GAL: variants seen among roughly 807,000 people sequenced by gnomAD.
GAL encodes the protein galanin peptides.
A neutral mutation model predicts 15.8 loss-of-function variants in GAL; 14 were observed. The observed-to-expected ratio is 0.89, with a 90% confidence interval of 0.59 to 1.39. The LOEUF is 1.39. Among genes scored for constraint, GAL ranks in the 40% most tolerant of loss-of-function variants. GAL has a pLI of 0.00. For missense variants in GAL, 176 were observed against 170.4 expected (o/e 1.03, Z -0.18); for synonymous variants, 79 against 73.8 (o/e 1.07, Z -0.36).
At position 68,685,564 on chromosome 11, in the gene GAL, T is replaced by C. The variant is rs1203360788; in HGVS notation, c.82-30T>C. The C allele has an allele frequency of 4.5e-6, 7 of 1,560,946 alleles. No homozygotes were observed. In the South Asian group the frequency reaches 5.6e-5, roughly 12 times the overall value. ...TCAGCATAGGCTCCAGGCACAGCCC[T>C]GGCATCTGATCCCCTTTTCTCCCTT... is the stretch of plus-strand genomic sequence containing the variant. On this transcript the variant is annotated intron_variant, in intron 2 of 5. Transcript: ENST00000265643.
chr11:68,685,019 C>G lies in GAL; in HGVS notation c.81+15C>G. 6.4e-7 allele frequency: 1 copy of G among 1,554,678 alleles called. No individual in the cohort carries two copies. Among genetic ancestry groups the G allele is most frequent in the Non-Finnish European group, 8.8e-7 (1 of 1,139,370 alleles). ...TCTGGTCGCCGGTAAGTGCGGGGCG[C>G]GTCTCCTCCGAGCGAAGGGGACATC... is the stretch of plus-strand genomic sequence containing the variant. On this transcript the variant is annotated intron_variant, in intron 2 of 5. Transcript: ENST00000265643.
intron 5 of GAL, among the ~76,000 whole-genome samples, chr11:68,689,506 C>G (rs138877012): frequency 1.3e-5 from 2 of 152,044 alleles, no homozygotes; most frequent in Non-Finnish European, 2.9e-5. Context: ...AAGTGATTCT[C>G]GTGCCTCTTC....
Position 68,684,676 on chromosome 11 carries a change from A to G in GAL, c.-57A>G. 1 of 381,260 alleles carries G rather than the reference A, an allele frequency of 2.6e-6. No homozygotes were observed. Among genetic ancestry groups the G allele is most frequent in the African/African-American group, 2.1e-5 (1 of 47,334 alleles). The allele number at this position is 381,260 out of a possible 1,614,324, so 23.6% of individuals were successfully genotyped here. ...CCCGACGCCCGGACCTGCCGCCCAG[A>G]CCCGCCACCGCACCCGGACCCCGAC... On this transcript the variant is annotated 5_prime_UTR_variant, in exon 1 of 6. Coordinates refer to ENST00000265643, the MANE Select transcript of GAL (RefSeq NM_015973.5).
At chr11:68,685,347 C>G (rs894147937) in intron 2 of GAL, among the ~76,000 whole-genome samples, 1 of 152,268 alleles carries the variant, frequency 6.6e-6, no homozygotes, top group African/African-American at 2.4e-5. Flanking sequence ...CTCAGCGTCA[C>G]TAAAGCAGGT....
intron 3 of GAL, among the ~76,000 whole-genome samples, chr11:68,685,932 G>A (rs985736095): frequency 6.6e-6 from 1 of 152,118 alleles, no homozygotes; most frequent in Non-Finnish European, 1.5e-5. Context: ...GCCCTGTTCT[G>A]GGCCTCTCCC....
chr11:68,685,130 C>A, intron 2 of GAL, 126 bp downstream of exon 2: 1 of 668,132 alleles, frequency 1.5e-6, no homozygotes, highest in Non-Finnish European at 2.6e-6. Context: ...GAAAGGCGGG[C>A]GCTGTCCTGG....
chr11:68,685,430 T>A (rs1945842379), intron 2 of GAL, among the ~76,000 whole-genome samples, 164 bp from the exon 3 acceptor site: 1 of 152,236 alleles, frequency 6.6e-6, no homozygotes, highest in Admixed American at 6.5e-5. Flanking sequence ...TCCATTTTCA[T>A]GTCAAATATA....
chr11:68,691,049 T>C lies in GAL; in HGVS notation c.*62T>C. 9.7e-7 allele frequency: 1 copy of C among 1,032,500 alleles called. No individual in the cohort carries two copies. The highest frequency in any genetic ancestry group is 2.4e-5 in the East Asian group (1 of 42,026). The allele number at this position is 1,032,500 out of a possible 1,614,324, so 64.0% of individuals were successfully genotyped here. On this transcript the variant is annotated 3_prime_UTR_variant, in exon 6 of 6. Coordinates refer to ENST00000265643, the MANE Select transcript of GAL (RefSeq NM_015973.5). ...TGAAGTCAAACCTTAAGATAATGGA[T>C]AATCTTCGGCCAATTTATGCAGAGT...
chr11:68,690,989 A>T lies in GAL; in HGVS notation c.*2A>T. 6.2e-7 allele frequency: 1 copy of T among 1,602,268 alleles called. No individual in the cohort carries two copies. Among genetic ancestry groups the T allele is most frequent in the Non-Finnish European group, 8.6e-7 (1 of 1,169,354 alleles). On this transcript the variant is annotated 3_prime_UTR_variant, in exon 6 of 6. Transcript: ENST00000265643. The stretch of plus-strand genomic sequence containing the variant: ...TCAGAAGACATCGAGCGGTCCTGAG[A>T]GCCTCCTGGGCATGTTTGTCTGTGT...
In GAL at chr11:68,688,002, A is replaced by G. The variant is rs769472443; in HGVS notation, c.137-12A>G. On this transcript the variant is annotated splice_polypyrimidine_tract_variant and intron_variant, in intron 3 of 5. Transcript: ENST00000265643. ...TCACACCCAGAGGCTTTCCTCTCTG[A>G]TCTGCAAACAGATGCCGTTGGCAAC... is the stretch of plus-strand genomic sequence containing the variant. 3 of 1,587,214 alleles carry G rather than the reference A, an allele frequency of 1.9e-6. No homozygotes were observed. The highest frequency in any genetic ancestry group is 2.6e-6 in the Non-Finnish European group (3 of 1,156,072).
chr11:68,686,602 G>C (rs899296980), intron 3 of GAL, among the ~76,000 whole-genome samples: 1 of 152,208 alleles, frequency 6.6e-6, no homozygotes, highest in Non-Finnish European at 1.5e-5. Context: ...GACCCCCAGA[G>C]TCAGGCTTTA....
intron 5 of GAL, among the ~76,000 whole-genome samples, chr11:68,689,855 G>A (rs1470866721): frequency 6.6e-6 from 1 of 152,236 alleles, no homozygotes; most frequent in African/African-American, 2.4e-5. Flanking sequence ...CTGGGGATGA[G>A]GAGACCTCCG....
intron 2 of GAL, 93 bp downstream of exon 2, chr11:68,685,097 C>T (rs1945838784): frequency 3.6e-6 from 3 of 831,580 alleles, no homozygotes; most frequent in Non-Finnish European, 5.9e-6. Context: ...CCGCCCTGCC[C>T]GCGGGGATGG....
At chr11:68,688,791 C>T (rs954632791) in intron 4 of GAL, 58 bp from the exon 5 acceptor site, 2 of 836,914 alleles carry the variant, frequency 2.4e-6, no homozygotes, top group Admixed American at 3.5e-5. Flanking sequence ...AGGGGGATGA[C>T]CTGAGACACT....
chr11:68,686,859 A>T lies in GAL; in HGVS notation c.137-1155A>T, dbSNP rs536427728. On this transcript the variant is annotated intron_variant, in intron 3 of 5. Transcript: ENST00000265643. ...AAAGGCAGAACTGGTCAATGAGAAC[A>T]TTTATCTGTGTTGCTTTGGAATATT... is the stretch of plus-strand genomic sequence containing the variant. Among the ~76,000 whole-genome samples, 4 of 152,186 alleles carry T rather than the reference A, an allele frequency of 2.6e-5. No homozygotes were observed. The South Asian group carries it at 8.3e-4, about 32-fold the overall frequency.
chr11:68,685,595 C>G lies in GAL; in HGVS notation c.83C>G (p.Ala28Gly), dbSNP rs542594677. The G allele has an allele frequency of 8.7e-6, 14 of 1,612,518 alleles. No individual in the cohort carries two copies. In the South Asian group the frequency reaches 1.5e-4, roughly 18 times the overall value. The change falls in exon 3 of 6, where the codon GCC becomes GGC. Residue 28 changes from alanine to glycine, a missense_variant and splice_region_variant. Ala to Gly is a moderately conservative substitution (Grantham distance 60). Coordinates refer to ENST00000265643, the MANE Select transcript of GAL (RefSeq NM_015973.5). ...LSASAGLWSPAKEKRGWTLNS... is the reference protein window; with the variant it reads ...LSASAGLWSPGKEKRGWTLNS... The stretch of plus-strand genomic sequence containing the variant: ...CTGATCCCCTTTTCTCCCTTCAAGG[C>G]CAAGGAAAAACGAGGCTGGACCCTG...
At chr11:68,690,319 G>GA (rs1174157110) in intron 5 of GAL, among the ~76,000 whole-genome samples, 3 of 152,268 alleles carry the variant, frequency 2.0e-5, no homozygotes, top group Admixed American at 6.5e-5. Context: ...GTCCAGTTTT[G>GA]AAAAATCAAG....
chr11:68,690,006 G>A (rs1398629047), intron 5 of GAL, among the ~76,000 whole-genome samples: 1 of 152,176 alleles, frequency 6.6e-6, no homozygotes, highest in East Asian at 1.9e-4. Flanking sequence ...GTGGGGAGGA[G>A]GGATGGACCG....
chr11:68,685,914 C>A (rs1159083850), intron 3 of GAL, among the ~76,000 whole-genome samples: 1 of 152,318 alleles, frequency 6.6e-6, no homozygotes, highest in South Asian at 2.1e-4. Flanking sequence ...GCCTTGCAGT[C>A]CTTACAGGCC....
Sources: gnomAD v4.1 joint callset for allele counts (sites outside exome capture counted in the v4.1 genomes callset) on GRCh38, gnomAD v4.1.1 for gene constraint, MANE v1.5 for transcripts, NCBI Gene and HGNC (gene_info 2026-07-23, HGNC 2026-07-21) for gene names.